Variants in EFHC1 observed in about 807,000 individuals in gnomAD.
The protein encoded by EFHC1 is EF-hand domain containing 1.
In EFHC1, 53 loss-of-function variants were observed where a neutral mutation model predicts 69.9. That is an observed-to-expected ratio of 0.76 (90% CI 0.61 to 0.95). EFHC1 has a LOEUF of 0.95. Among genes scored for constraint, EFHC1 ranks in the 40% least tolerant of loss-of-function variants. The probability of loss-of-function intolerance (pLI) is 0.00; values close to 1 mark genes in which losing one functional copy is unlikely to be tolerated. For synonymous variants in EFHC1, 256 were observed against 278.4 expected, an observed-to-expected ratio of 0.92 and a Z score of 0.80; for missense variants, 739 against 798.7, an observed-to-expected ratio of 0.93 and a Z score of 0.90.
intron 5 of EFHC1, among the ~76,000 whole-genome samples, chr6:52,458,709 T>A (rs949180558): frequency 2.0e-5 from 3 of 152,166 alleles, no homozygotes; most frequent in African/African-American, 7.2e-5. Context: ...AGGAAAACAG[T>A]TTGGAGATTT....
chr6:52,452,573 A>T, intron 3 of EFHC1, 115 bp from the exon 4 acceptor site: 1 of 1,235,656 alleles, frequency 8.1e-7, no homozygotes, highest in South Asian at 1.3e-5. Context: ...AAGTGCTGAG[A>T]TTGTAGGCCT....
Position 52,438,367 on chromosome 6 carries a change from A to T in EFHC1, c.349A>T (p.Ile117Phe). ...VPMSTEEQYRIRQVNIYYYLE... is the reference protein window; with the variant it reads ...VPMSTEEQYRFRQVNIYYYLE... ...TATGTCAACTGAGGAACAGTATAGG[A>T]TCCGTCAGGTGAACATTTACTATTA... The change falls in exon 3 of 11, where the codon ATC becomes TTC. Residue 117 changes from isoleucine to phenylalanine, a missense_variant. Physicochemically the swap from Ile to Phe is conservative, Grantham distance 21. Transcript: ENST00000371068. 6.2e-7 allele frequency: 1 copy of T among 1,613,904 alleles called. No individual in the cohort carries two copies. The highest frequency in any genetic ancestry group is 8.5e-7 in the Non-Finnish European group (1 of 1,179,934).
chr6:52,425,977 C>G lies in EFHC1; in HGVS notation c.285+1810C>G, dbSNP rs80297020. Among the ~76,000 whole-genome samples the G allele has an allele frequency of 5.5e-3, 831 of 152,294 alleles. 8 individuals carry two copies. The highest frequency in any genetic ancestry group is 0.019 in the African/African-American group (784 of 41,558). On this transcript the variant is annotated intron_variant, in intron 2 of 10. Coordinates refer to ENST00000371068, the MANE Select transcript of EFHC1 (RefSeq NM_018100.4). ...CCTTGCTCCTGTATAATTCCAGCAT[C>G]ACCTACTATATTGTGTTTCCCAGAC... is the stretch of plus-strand genomic sequence containing the variant.
At chr6:52,437,878 G>T (rs1305608708) in intron 2 of EFHC1, among the ~76,000 whole-genome samples, 1 of 152,100 alleles carries the variant, frequency 6.6e-6, no homozygotes, top group African/African-American at 2.4e-5. Context: ...TGAATTTTGG[G>T]GATGAGGGGG....
At chr6:52,459,759 C>A (rs910764778) in intron 5 of EFHC1, among the ~76,000 whole-genome samples, 2 of 152,188 alleles carry the variant, frequency 1.3e-5, no homozygotes, top group Non-Finnish European at 2.9e-5. Context: ...ACTGCAAGCT[C>A]CGCCTCCCAG....
chr6:52,493,462 T>C lies in EFHC1; in HGVS notation c.*1121T>C, dbSNP rs1246641280. 7.6e-6 allele frequency: 3 copies of C among 396,162 alleles called. No individual in the cohort carries two copies. Among genetic ancestry groups the C allele is most frequent in the Non-Finnish European group, 1.5e-5 (3 of 204,606 alleles). 24.5% of individuals were successfully genotyped at this position (396,162 alleles called of 1,614,324 possible). A position where few individuals can be genotyped will look rare whatever the true frequency, so the allele number is the denominator to read the frequency against. On this transcript the variant is annotated 3_prime_UTR_variant, in exon 11 of 11. Transcript: ENST00000371068. ...TGTATATGTGTATATATATTATGTA[T>C]ATACATATATGTGCACACATCTCTA...
At chr6:52,469,593 C>A in intron 7 of EFHC1, 120 bp downstream of exon 7, 2 of 1,410,396 alleles carry the variant, frequency 1.4e-6, no homozygotes, top group Admixed American at 1.7e-5. Flanking sequence ...CTCAACCAAC[C>A]ATTGTATCTA....
intron 4 of EFHC1, chr6:52,453,890 T>C: frequency 7.0e-7 from 1 of 1,419,596 alleles, no homozygotes; most frequent in Non-Finnish European, 9.3e-7. Context: ...TATTTAATTC[T>C]TTCCAGCTGC....
Position 52,434,865 on chromosome 6 carries a change from C to T in EFHC1, c.286-3439C>T, listed in dbSNP as rs145613695. 1.2e-3 allele frequency among the ~76,000 whole-genome samples: 183 copies of T among 151,320 alleles called. 2 individuals are homozygous for T. Among genetic ancestry groups the T allele is most frequent in the African/African-American group, 4.2e-3 (173 of 41,038 alleles). On this transcript the variant is annotated intron_variant, in intron 2 of 10. Transcript: ENST00000371068. ...CAATTAAGTAATTCTTTTCGGTTAG[C>T]ATATTCTTTACCTGAGACCATATAT...
In EFHC1 at chr6:52,495,022, G is replaced by A. The variant is rs1478662993; in HGVS notation, c.*2681G>A. ...GAGTTCTTAGAACTCTTTCCAACCG[G>A]AAACTGCCCAGTGCACCACTCTCAG... is the stretch of plus-strand genomic sequence containing the variant. On this transcript the variant is annotated 3_prime_UTR_variant, in exon 11 of 11. Transcript: ENST00000371068. 6.6e-6 allele frequency: 3 copies of A among 453,898 alleles called. No homozygotes were observed. The highest frequency in any genetic ancestry group is 1.3e-5 in the Non-Finnish European group (3 of 226,792). The allele number at this position is 453,898 out of a possible 1,614,324, so 28.1% of individuals were successfully genotyped here. A position where few individuals can be genotyped will look rare whatever the true frequency, so the allele number is the denominator to read the frequency against.
chr6:52,443,602 G>T (rs1488980359), intron 3 of EFHC1, among the ~76,000 whole-genome samples: 1 of 152,154 alleles, frequency 6.6e-6, no homozygotes, highest in Non-Finnish European at 1.5e-5. Context: ...GGTTGTAGAT[G>T]TGTGGTATTA....
In EFHC1 at chr6:52,420,417, T is replaced by G. The variant is rs1304482299; in HGVS notation, c.7T>G (p.Ser3Ala). ...GGCGGTGGTACCGGCTGCAATGGTG[T>G]CCAATCCCGTGCATGGCTTGCCCTT... The part of the protein sequence containing the change: MV[S>A]NPVHGLPFLP... Residue 3 changes from serine to alanine, a missense_variant, in exon 1 of 11, where the codon TCC becomes GCC. Physicochemically the swap from Ser to Ala is moderately conservative, Grantham distance 99. Coordinates refer to ENST00000371068, the MANE Select transcript of EFHC1 (RefSeq NM_018100.4). The G allele has an allele frequency of 6.2e-7, 1 of 1,614,170 alleles. No homozygotes were observed. Among genetic ancestry groups the G allele is most frequent in the African/African-American group, 1.3e-5 (1 of 75,030 alleles).
chr6:52,464,082 G>A (rs1184374365), intron 5 of EFHC1, among the ~76,000 whole-genome samples: 1 of 152,176 alleles, frequency 6.6e-6, no homozygotes, highest in East Asian at 1.9e-4. Flanking sequence ...ACAACTATAA[G>A]ATGTGGCACT....
intron 3 of EFHC1, among the ~76,000 whole-genome samples, chr6:52,446,670 A>G (rs1363976487): frequency 2.6e-5 from 4 of 152,100 alleles, no homozygotes; most frequent in Admixed American, 6.5e-5. Flanking sequence ...GGTTTTTACA[A>G]TTTGGCATGT....
chr6:52,433,870 G>A (rs530386552), intron 2 of EFHC1, among the ~76,000 whole-genome samples: 44 of 152,256 alleles, frequency 2.9e-4, no homozygotes, highest in African/African-American at 1.0e-3. Context: ...TGGAGGATGG[G>A]GGTGAGGGTC....
intron 8 of EFHC1, 92 bp downstream of exon 8, chr6:52,479,342 A>C (rs1765619747): frequency 1.5e-6 from 2 of 1,359,422 alleles, no homozygotes; most frequent in Non-Finnish European, 2.1e-6. Flanking sequence ...AGAGGCAATT[A>C]GATTGTATTG....
chr6:52,473,770 A>G (rs1370893232), intron 7 of EFHC1, among the ~76,000 whole-genome samples: 6 of 152,104 alleles, frequency 3.9e-5, no homozygotes, highest in Non-Finnish European at 8.8e-5. Context: ...TGGCAGAGAA[A>G]GGCTCTGTCT....
At chr6:52,421,182 G>C (rs1310758036) in intron 1 of EFHC1, 2 of 443,928 alleles carry the variant, frequency 4.5e-6, no homozygotes, top group Non-Finnish European at 6.0e-6. Context: ...TCTCCGTTGC[G>C]GGTTTTCCCC....
chr6:52,421,357 C>T (rs1389222019), intron 1 of EFHC1, among the ~76,000 whole-genome samples: 1 of 151,920 alleles, frequency 6.6e-6, no homozygotes, highest in Non-Finnish European at 1.5e-5. Flanking sequence ...TTGTTTTGCT[C>T]CTTCCCCAAC....
Sources: gnomAD v4.1 joint callset for allele counts (sites outside exome capture counted in the v4.1 genomes callset) on GRCh38, gnomAD v4.1.1 for gene constraint, MANE v1.5 for transcripts, NCBI Gene and HGNC (gene_info 2026-07-23, HGNC 2026-07-21) for gene names.